SLC16A7: variants seen among roughly 807,000 people sequenced by gnomAD.
SLC16A7 encodes the protein solute carrier family 16 member 7.
In SLC16A7, 33 loss-of-function variants were observed where a neutral mutation model predicts 34.9. That is an observed-to-expected ratio of 0.94 (90% confidence interval 0.72 to 1.26). The LOEUF is 1.26. SLC16A7 is among the 50% of genes most tolerant of loss of function. The pLI, the probability that SLC16A7 is intolerant of heterozygous loss-of-function variation, is 0.00. For synonymous variants in SLC16A7, 201 were observed against 206.6 expected, an observed-to-expected ratio of 0.97 and a Z score of 0.23; for missense variants, 573 against 578.1, an observed-to-expected ratio of 0.99 and a Z score of 0.09.
At chr12:59,653,228 C>G (rs537690255) in intron 1 of SLC16A7, among the ~76,000 whole-genome samples, 139 of 151,500 alleles carry the variant, frequency 9.2e-4, no homozygotes, top group African/African-American at 3.3e-3. Flanking sequence ...TCTAAAGTCA[C>G]GTTGTTAAAA....
intron 3 of SLC16A7, among the ~76,000 whole-genome samples, chr12:59,746,076 C>T (rs1453086310): frequency 3.3e-5 from 5 of 152,150 alleles, no homozygotes; most frequent in Non-Finnish European, 5.9e-5. Context: ...CAATAATATG[C>T]TTTTTGAAAG....
At chr12:59,655,867 C>G (rs1034441011) in intron 2 of SLC16A7, among the ~76,000 whole-genome samples, 1 of 151,872 alleles carries the variant, frequency 6.6e-6, no homozygotes, top group African/African-American at 2.4e-5. Context: ...AGCATTGTGT[C>G]TTGCTGAAGA....
rs544547143 is a variant in SLC16A7 at position 59,719,983 on chromosome 12, A to G, written c.217+14965A>G. On this transcript the variant is annotated intron_variant, in intron 3 of 5. Coordinates refer to ENST00000547379, the MANE Select transcript of SLC16A7 (RefSeq NM_001270623.2). ...TAAGTAAATATTGGAAACAGGATGC[A>G]TACCTGGGTCTACCTGACTTTGAAT... The G allele has an allele frequency of 8.0e-5, 52 of 653,766 alleles. No homozygotes were observed. In the African/African-American group the frequency reaches 8.3e-4, roughly 10 times the overall value. The allele number at this position is 653,766 out of a possible 1,614,324, so 40.5% of individuals were successfully genotyped here.
intron 2 of SLC16A7, among the ~76,000 whole-genome samples, chr12:59,677,433 T>C (rs1870401381): frequency 6.6e-6 from 1 of 152,350 alleles, no homozygotes; most frequent in East Asian, 1.9e-4. Flanking sequence ...CATGTTATCT[T>C]CTTTTACCTA....
At chr12:59,712,399 A>G (rs188834172) in intron 3 of SLC16A7, among the ~76,000 whole-genome samples, 50 of 152,358 alleles carry the variant, frequency 3.3e-4, no homozygotes, top group Admixed American at 7.2e-4. Flanking sequence ...TATGATTTGA[A>G]TAGTGGACAA....
chr12:59,629,161 A>T (rs1880068617), intron 1 of SLC16A7, among the ~76,000 whole-genome samples: 1 of 151,608 alleles, frequency 6.6e-6, no homozygotes, highest in Non-Finnish European at 1.5e-5. Context: ...CATTATGAAG[A>T]CCCCTCTCAT....
At chr12:59,663,189 T>C (rs1203441296) in intron 2 of SLC16A7, among the ~76,000 whole-genome samples, 1 of 152,014 alleles carries the variant, frequency 6.6e-6, no homozygotes, top group Non-Finnish European at 1.5e-5. Context: ...CAAATGTATG[T>C]CTTTGTATTT....
At position 59,775,005 on chromosome 12, in the gene SLC16A7, T is replaced by G. The variant is rs750990937; in HGVS notation, c.710T>G (p.Leu237Ter). Residue 237 changes from leucine (L) to a stop codon, truncating the protein, a stop_gained, in exon 5 of 6, where the codon TTA (leucine) becomes TGA (stop). Coordinates refer to ENST00000547379, the MANE Select transcript of SLC16A7 (RefSeq NM_001270623.2). LOFTEE classifies it high-confidence loss of function. ...KSTWEKVNKY[L>*]DFSLFKHRGF... ...ACTTGGGAAAAAGTTAATAAGTATT[T>G]AGATTTCTCCCTTTTTAAGCATAGA... 6.2e-7 allele frequency: 1 copy of G among 1,613,806 alleles called. No homozygotes were observed. Among genetic ancestry groups the G allele is most frequent in the South Asian group, 1.1e-5 (1 of 91,080 alleles).
chr12:59,684,218 G>A (rs187685717), intron 2 of SLC16A7, among the ~76,000 whole-genome samples: 18 of 152,250 alleles, frequency 1.2e-4, no homozygotes, highest in African/African-American at 3.9e-4. Context: ...CATTTTGTAG[G>A]CTAAGAAAAT....
At chr12:59,716,595 C>T (rs1173429349) in intron 3 of SLC16A7, among the ~76,000 whole-genome samples, 1 of 152,118 alleles carries the variant, frequency 6.6e-6, no homozygotes, top group Non-Finnish European at 1.5e-5. Flanking sequence ...TGCCTGTAAT[C>T]CCAGAACTTT....
At chr12:59,642,696 T>C (rs903342878) in intron 1 of SLC16A7, among the ~76,000 whole-genome samples, 13 of 152,078 alleles carry the variant, frequency 8.5e-5, no homozygotes, top group African/African-American at 2.9e-4. Context: ...GTCAAAGTTA[T>C]AGAATGAATG....
At chr12:59,659,174 C>T (rs1389595078) in intron 2 of SLC16A7, among the ~76,000 whole-genome samples, 2 of 151,958 alleles carry the variant, frequency 1.3e-5, no homozygotes, top group East Asian at 1.9e-4. Context: ...ACTATTTTAG[C>T]TTTGACAATT....
rs539880586 is a variant in SLC16A7, at chr12:59,664,109, A to C, written c.-31+8859A>C. On this transcript the variant is annotated intron_variant, in intron 2 of 5. Coordinates refer to ENST00000547379, the MANE Select transcript of SLC16A7 (RefSeq NM_001270623.2). ...CCATATTTTACAGCTATATGGCCTT[A>C]CATAAGTAATCAAAACGCTGAGCTT... 6.2e-4 allele frequency among the ~76,000 whole-genome samples: 95 copies of C among 152,218 alleles called. 1 individual carries two copies. In the East Asian group the frequency reaches 0.017, roughly 28 times the overall value.
In SLC16A7 at chr12:59,789,823, T is replaced by TA. The variant is rs1321607153; in HGVS notation, c.*10151dup. 6.6e-6 allele frequency: 1 copy of TA among 151,994 alleles called. No individual in the cohort carries two copies. Among genetic ancestry groups the TA allele is most frequent in the Non-Finnish European group, 1.5e-5 (1 of 67,986 alleles). The allele number at this position is 151,994 out of a possible 1,614,324, so 9.4% of individuals were successfully genotyped here. ...ATTGCTTATTAAATTAAAATTAAAATAAAAAAATTCATGTTAAATTTTTGA... is the reference window on the plus strand; with the variant it reads ...ATTGCTTATTAAATTAAAATTAAAATAAAAAAAATTCATGTTAAATTTTTGA... On this transcript the variant is annotated 3_prime_UTR_variant, in exon 6 of 6. Transcript: ENST00000547379.
intron 2 of SLC16A7, among the ~76,000 whole-genome samples, chr12:59,700,490 T>C (rs1270081503): frequency 1.3e-5 from 2 of 149,098 alleles, no homozygotes; most frequent in Admixed American, 6.7e-5. Context: ...TTAATAATTG[T>C]ATTAAATAAT....
intron 3 of SLC16A7, among the ~76,000 whole-genome samples, chr12:59,731,730 C>T (rs904271101): frequency 6.6e-6 from 1 of 152,142 alleles, no homozygotes; most frequent in African/African-American, 2.4e-5. Flanking sequence ...CCCACACCAA[C>T]AAGGAAAAAT....
At chr12:59,729,424 C>T (rs986691205) in intron 3 of SLC16A7, among the ~76,000 whole-genome samples, 1 of 152,214 alleles carries the variant, frequency 6.6e-6, no homozygotes, top group Non-Finnish European at 1.5e-5. Flanking sequence ...CCCTGCCTCT[C>T]TCTCTTTATT....
At chr12:59,700,662 A>G (rs1281242314) in intron 2 of SLC16A7, among the ~76,000 whole-genome samples, 1 of 151,532 alleles carries the variant, frequency 6.6e-6, no homozygotes, top group Non-Finnish European at 1.5e-5. Context: ...ATATATGGTA[A>G]AAGTATAAAT....
At chr12:59,765,517 TAAGG>T (rs1220771578) in intron 3 of SLC16A7, among the ~76,000 whole-genome samples, 1 of 152,212 alleles carries the variant, frequency 6.6e-6, no homozygotes, top group Non-Finnish European at 1.5e-5. Flanking sequence ...GTATAAGATG[TAAGG>T]AAGGGATCCA....
Sources: gnomAD v4.1 joint callset for allele counts (sites outside exome capture counted in the v4.1 genomes callset) on GRCh38, gnomAD v4.1.1 for gene constraint, MANE v1.5 for transcripts, NCBI Gene and HGNC (gene_info 2026-07-23, HGNC 2026-07-21) for gene names.